The following VASP variants were observed in gnomAD, a reference collection of about 807,000 sequenced individuals.
VASP encodes the protein vasodilator-stimulated phosphoprotein.
In VASP, 27 loss-of-function variants were observed where a neutral mutation model predicts 54.4. The ratio of observed to expected loss-of-function variants is 0.50; its 90% CI spans 0.37 to 0.68. The LOEUF is 0.68. VASP is among the 30% of genes least tolerant of loss of function. The pLI is 0.00. For synonymous variants in VASP, 233 were observed against 209.8 expected (o/e 1.11, Z -0.96); for missense variants, 488 against 528.3 (o/e 0.92, Z 0.75).
At chr19:45,525,730 G>A (rs934760504) in intron 11 of VASP, 3 of 480,160 alleles carry the variant, frequency 6.2e-6, no homozygotes, top group African/African-American at 6.1e-5. Context: ...TTACCTGATT[G>A]TGGCGGCAGG....
In VASP at chr19:45,517,663, C is replaced by T. The variant is rs778810427; in HGVS notation, c.6C>T (p.Ser2=). ...CTCTCCCTTTTCCTCCCGCCTGCAG[C>T]GAGACGGTCATCTGTTCCAGCCGGG... is the stretch of plus-strand genomic sequence containing the variant. M[S]ETVICSSRAT... Residue 2 remains serine, a splice_region_variant and synonymous_variant, in exon 2 of 13, where the codon AGC becomes AGT. Coordinates refer to ENST00000245932, the MANE Select transcript of VASP (RefSeq NM_003370.4). 1.5e-5 allele frequency: 24 copies of T among 1,606,758 alleles called. No homozygotes were observed. Among genetic ancestry groups the T allele is most frequent in the East Asian group, 2.2e-5 (1 of 44,874 alleles).
intron 1 of VASP, among the ~76,000 whole-genome samples, chr19:45,509,087 T>C (rs1968547598): frequency 6.6e-6 from 1 of 152,170 alleles, no homozygotes; most frequent in African/African-American, 2.4e-5. Flanking sequence ...GGTGCCCACA[T>C]CCCCCGCATT....
intron 3 of VASP, 121 bp downstream of exon 3, chr19:45,518,215 A>G: frequency 7.3e-7 from 1 of 1,363,234 alleles, no homozygotes; most frequent in African/African-American, 1.5e-5. Flanking sequence ...CATTGTTATC[A>G]TGGAAAATTA....
chr19:45,508,903 G>A (rs1015464078), intron 1 of VASP, among the ~76,000 whole-genome samples: 5 of 152,040 alleles, frequency 3.3e-5, no homozygotes, highest in African/African-American at 7.3e-5. Flanking sequence ...AGTGTGGGCA[G>A]GGGGGCCCAA....
chr19:45,520,558 G>A (rs771023060), intron 3 of VASP, among the ~76,000 whole-genome samples: 5 of 152,318 alleles, frequency 3.3e-5, no homozygotes, highest in Non-Finnish European at 5.9e-5. Context: ...TTGTTAATTC[G>A]TAGCCAATTC....
In VASP at chr19:45,507,535, G is replaced by C; in HGVS notation, c.-237G>C. 2.0e-6 allele frequency: 1 copy of C among 509,690 alleles called. No homozygotes were observed. Among genetic ancestry groups the C allele is most frequent in the Non-Finnish European group, 3.5e-6 (1 of 289,684 alleles). 31.6% of individuals were successfully genotyped at this position (509,690 alleles called of 1,614,324 possible). A position where few individuals can be genotyped will look rare whatever the true frequency, so the allele number is the denominator to read the frequency against. The stretch of plus-strand genomic sequence containing the variant: ...CGGCAAGGGGTGCGCGCTGGGGAGC[G>C]GACGCTGCATCCCCTTTCTGCTGCA... On this transcript the variant is annotated 5_prime_UTR_variant, in exon 1 of 13. Transcript: ENST00000245932. This position sits in a 1 kb window ranked among gnomAD's most constrained non-coding sequence, Gnocchi z 4.4.
chr19:45,514,587 C>A (rs1165941653), intron 1 of VASP, among the ~76,000 whole-genome samples: 1 of 152,180 alleles, frequency 6.6e-6, no homozygotes, highest in African/African-American at 2.4e-5. Flanking sequence ...AGGGGCAAGA[C>A]CACCCCTTGG....
rs113695819 is a variant in VASP at position 45,526,286 on chromosome 19, A to C, written c.*109A>C. ...TTGGCTGAAGACTACACAGGAATGC[A>C]TCGTTCCCACTCCCCATCCCACTTG... On this transcript the variant is annotated 3_prime_UTR_variant, in exon 13 of 13. Coordinates refer to ENST00000245932, the MANE Select transcript of VASP (RefSeq NM_003370.4). The C allele has an allele frequency of 7.5e-7, 1 of 1,328,946 alleles. No individual in the cohort carries two copies. The highest frequency in any genetic ancestry group is 1.5e-5 in the African/African-American group (1 of 67,014). 82.3% of individuals were successfully genotyped at this position (1,328,946 alleles called of 1,614,324 possible). A position where few individuals can be genotyped will look rare whatever the true frequency, so the allele number is the denominator to read the frequency against.
chr19:45,509,363 T>TC (rs1219967000), intron 1 of VASP, among the ~76,000 whole-genome samples: 1 of 150,842 alleles, frequency 6.6e-6, no homozygotes, highest in African/African-American at 2.4e-5. Flanking sequence ...GACTCTTCTC[T>TC]CCCCTTGCCC....
chr19:45,510,546 T>G (rs1968580981), intron 1 of VASP, among the ~76,000 whole-genome samples: 1 of 152,072 alleles, frequency 6.6e-6, no homozygotes, highest in Non-Finnish European at 1.5e-5. Context: ...GTTCGAACAA[T>G]GATACTATTA....
At chr19:45,516,069 T>C (rs1968694662) in intron 1 of VASP, among the ~76,000 whole-genome samples, 1 of 152,194 alleles carries the variant, frequency 6.6e-6, no homozygotes, top group Non-Finnish European at 1.5e-5. Flanking sequence ...AAGTCAGACG[T>C]TGCCTTTTCC....
At position 45,507,564 on chromosome 19, in the gene VASP, A is replaced by C. The variant is rs1968510442; in HGVS notation, c.-208A>C. 1 of 540,440 alleles carries C rather than the reference A, an allele frequency of 1.9e-6. No individual in the cohort carries two copies. Among genetic ancestry groups the C allele is most frequent in the Non-Finnish European group, 3.2e-6 (1 of 313,382 alleles). 33.5% of individuals were successfully genotyped at this position (540,440 alleles called of 1,614,324 possible). On this transcript the variant is annotated 5_prime_UTR_variant, in exon 1 of 13. Coordinates refer to ENST00000245932, the MANE Select transcript of VASP (RefSeq NM_003370.4). The surrounding 1 kb of genome is among the most constrained non-coding windows in gnomAD (Gnocchi z 4.4). ...GCTGCATCCCCTTTCTGCTGCAGGA[A>C]CCTCTCATCAGACCGCCTGAGGGAA...
rs1568390471 is a variant in VASP, at chr19:45,523,189, A to ATTTTTTTTTT, written c.821+371_821+372insTTTTTTTTTT. Among the ~76,000 whole-genome samples, 88 of 106,982 alleles carry ATTTTTTTTTT rather than the reference A, an allele frequency of 8.2e-4. 7 individuals carry two copies. Among genetic ancestry groups the ATTTTTTTTTT allele is most frequent in the African/African-American group, 1.1e-3 (28 of 24,740 alleles). The allele number at this position is 106,982 out of a possible 152,430, so 70.2% of individuals were successfully genotyped here. ...CTGATTCTAGAACCACAATCTCTTG[A>ATTTTTTTTTT]ATTTTTTTTTTTTTTTTTTTTTTTT... On this transcript the variant is annotated intron_variant, in intron 7 of 12. Coordinates refer to ENST00000245932, the MANE Select transcript of VASP (RefSeq NM_003370.4).
chr19:45,524,082 C>A lies in VASP; in HGVS notation c.911-15C>A, dbSNP rs779855216. Reference sequence around the variant, plus strand: ...CTTTTGTCCCTGATCTTTCTGATTTCTTGCCTATCCCCAGAATCTGTGCGG... The same window carrying A: ...CTTTTGTCCCTGATCTTTCTGATTTATTGCCTATCCCCAGAATCTGTGCGG... On this transcript the variant is annotated splice_polypyrimidine_tract_variant and intron_variant, in intron 9 of 12. Coordinates refer to ENST00000245932, the MANE Select transcript of VASP (RefSeq NM_003370.4). The A allele has an allele frequency of 8.1e-6, 13 of 1,614,080 alleles. No individual in the cohort carries two copies. The highest frequency in any genetic ancestry group is 8.5e-6 in the Non-Finnish European group (10 of 1,180,010).
Position 45,525,978 on chromosome 19 carries a change from G to C in VASP, c.1080G>C (p.Gln360His). ...ELLEEVKKEL[Q>H]KVKEEIIEAF... is the part of the protein sequence containing the mutation. ...TGGAAGAGGTGAAGAAGGAATTGCA[G>C]AAAGTGAAAGAGGAAATCATTGAAG... The change falls in exon 12 of 13, where the codon CAG becomes CAC. Residue 360 changes from glutamine (Q) to histidine (H), a missense_variant. Coordinates refer to ENST00000245932, the MANE Select transcript of VASP (RefSeq NM_003370.4). 2.5e-6 allele frequency: 4 copies of C among 1,614,146 alleles called. No individual in the cohort carries two copies. Among genetic ancestry groups the C allele is most frequent in the Non-Finnish European group, 2.5e-6 (3 of 1,180,018 alleles).
intron 4 of VASP, 85 bp from the exon 5 acceptor site, chr19:45,522,081 CTG>C (rs1968847678): frequency 6.3e-7 from 1 of 1,589,034 alleles, no homozygotes; most frequent in Admixed American, 1.7e-5. Flanking sequence ...CTGGAGACCT[CTG>C]AGAGAGAGGA....
Position 45,522,367 on chromosome 19 carries a change from G to T in VASP, c.506G>T (p.Gly169Val), listed in dbSNP as rs761188544. 23 of 1,563,386 alleles carry T rather than the reference G, an allele frequency of 1.5e-5. No homozygotes were observed. The highest frequency in any genetic ancestry group is 1.9e-5 in the Non-Finnish European group (22 of 1,154,224). The stretch of plus-strand genomic sequence containing the variant: ...GGCCCACCTGCTCCCCCCGCTGGGG[G>T]TCCACCCCCACCACCAGGACCTCCC... The part of the protein sequence containing the change: ...AGGPPAPPAG[G>V]PPPPPGPPPP... Residue 169 changes from glycine to valine, a missense_variant, in exon 6 of 13, where the codon GGT becomes GTT. This residue lies in a region of VASP where 226 missense variants were observed against 196.0 expected (regional missense o/e 1.15). Transcript: ENST00000245932.
intron 1 of VASP, among the ~76,000 whole-genome samples, chr19:45,509,754 C>T (rs1968563576): frequency 6.6e-6 from 1 of 152,226 alleles, no homozygotes; most frequent in Non-Finnish European, 1.5e-5. Flanking sequence ...CAAGGACAGC[C>T]AGAATTCAAA....
rs779507656 is a variant in VASP, at chr19:45,524,648, G to A, written c.1035G>A (p.Gln345=). The stretch of plus-strand genomic sequence containing the variant: ...GCTCCAGTGATTACTCGGACCTACA[G>A]AGGGTGAAACAGGTAACTTGGGGGG... ...TPSSSDYSDL[Q]RVKQELLEEV... is the part of the protein sequence containing the mutation. Residue 345 remains glutamine (Q), a synonymous_variant, in exon 11 of 13, where the codon CAG becomes CAA. Transcript: ENST00000245932. The A allele has an allele frequency of 4.3e-6, 7 of 1,613,886 alleles. No individual in the cohort carries two copies. In the South Asian group the frequency reaches 6.6e-5, roughly 15 times the overall value.
Sources: gnomAD v4.1 joint callset for allele counts (sites outside exome capture counted in the v4.1 genomes callset) on GRCh38, gnomAD v4.1.1 for gene constraint, gnomAD v4.1.1 regional missense constraint, Gnocchi (gnomAD v3.1) non-coding constraint, MANE v1.5 for transcripts, NCBI Gene and HGNC (gene_info 2026-07-23, HGNC 2026-07-21) for gene names.